SLC2A14: variants seen among roughly 807,000 people sequenced by gnomAD.
SLC2A14 encodes solute carrier family 2, facilitated glucose transporter member 14.
A neutral mutation model predicts 43.0 loss-of-function variants in SLC2A14; 13 were observed. That is an observed-to-expected ratio of 0.30 (90% CI 0.20 to 0.48). The LOEUF (loss-of-function observed/expected upper bound fraction) is 0.48. SLC2A14 is among the 20% of genes least tolerant of loss of function. The probability of loss-of-function intolerance (pLI) is 0.99; values close to 1 mark genes in which losing one functional copy is unlikely to be tolerated. For synonymous variants in SLC2A14, 190 were observed against 233.8 expected (o/e 0.81, Z 1.71); for missense variants, 428 against 620.4 (o/e 0.69, Z 3.29).
chr12:7,871,002 A>G lies in SLC2A14; in HGVS notation c.-57-1065T>C, dbSNP rs12372284. On this transcript the variant is annotated intron_variant, in intron 1 of 10. Transcript: ENST00000431042. ...ATTGACCAGAACCATGATGGCTTCA[A>G]TGACAAGGGGGACAGCACGACAAGC... is the stretch of plus-strand genomic sequence containing the variant. The G allele has an allele frequency of 4.7e-4, 675 of 1,433,218 alleles. 2 individuals carry two copies. The highest frequency in any genetic ancestry group is 7.7e-4 in the Admixed American group (42 of 54,232). 88.8% of individuals were successfully genotyped at this position (1,433,218 alleles called of 1,614,324 possible).
chr12:7,840,432 T>G (rs1865855873), intron 2 of SLC2A14, among the ~76,000 whole-genome samples: 1 of 152,022 alleles, frequency 6.6e-6, no homozygotes, highest in South Asian at 2.1e-4. Context: ...TAGTCTGGAG[T>G]GCAATGGCGT....
At chr12:7,840,151 A>G (rs1592216812) in intron 2 of SLC2A14, among the ~76,000 whole-genome samples, 1 of 113,456 alleles carries the variant, frequency 8.8e-6, no homozygotes, top group African/African-American at 3.3e-5. Context: ...GACTTCAGAG[A>G]GTTTGCTCCT....
At chr12:7,822,210 C>T (rs1230769880) in intron 7 of SLC2A14, among the ~76,000 whole-genome samples, 4 of 151,956 alleles carry the variant, frequency 2.6e-5, no homozygotes, top group Non-Finnish European at 5.9e-5. Flanking sequence ...CCACCCACCT[C>T]AGCCTCCCAA....
intron 7 of SLC2A14, among the ~76,000 whole-genome samples, chr12:7,825,215 C>T (rs973478804): frequency 6.9e-6 from 1 of 144,750 alleles, no homozygotes; most frequent in African/African-American, 2.5e-5. Flanking sequence ...AATCCTAGCA[C>T]TTTGGGAGGC....
intron 2 of SLC2A14, among the ~76,000 whole-genome samples, chr12:7,842,481 T>C (rs895405853): frequency 2.0e-5 from 3 of 152,254 alleles, no homozygotes; most frequent in Admixed American, 6.5e-5. Context: ...AAAAGACTTC[T>C]TCTATACAAG....
At chr12:7,864,858 C>T (rs1408558773) in intron 2 of SLC2A14, among the ~76,000 whole-genome samples, 1 of 152,032 alleles carries the variant, frequency 6.6e-6, no homozygotes, top group Non-Finnish European at 1.5e-5. Flanking sequence ...ATATGCCTTT[C>T]CCTCTATCTG....
intron 2 of SLC2A14, among the ~76,000 whole-genome samples, chr12:7,838,700 G>A (rs945710821): frequency 1.1e-4 from 16 of 152,344 alleles, no homozygotes; most frequent in African/African-American, 3.1e-4. Flanking sequence ...TACAGGGATA[G>A]AGATAAATGT....
chr12:7,871,088 CA>C lies in SLC2A14; in HGVS notation c.-57-1152del, dbSNP rs1159370127. 8.1e-6 allele frequency: 11 copies of C among 1,364,890 alleles called. No individual in the cohort carries two copies. The African/African-American group carries it at 8.8e-5, about 11-fold the overall frequency. 84.5% of individuals were successfully genotyped at this position (1,364,890 alleles called of 1,614,324 possible). ...CTGCAGGGCATGATGAGCGAGGCCC[CA>C]GGGCCCATCAACTTCACCACTTCCC... On this transcript the variant is annotated intron_variant, in intron 1 of 10. Transcript: ENST00000431042.
At chr12:7,845,159 G>A (rs911704254) in intron 2 of SLC2A14, among the ~76,000 whole-genome samples, 3 of 151,960 alleles carry the variant, frequency 2.0e-5, no homozygotes, top group African/African-American at 4.8e-5. Flanking sequence ...CAATCATCCC[G>A]TTTGCCCAGG....
chr12:7,830,442 C>T (rs760762688), intron 4 of SLC2A14, among the ~76,000 whole-genome samples: 53 of 152,250 alleles, frequency 3.5e-4, no homozygotes, highest in Non-Finnish European at 6.5e-4. Context: ...TGAGCCACCA[C>T]GCCCAGCCCT....
At position 7,812,821 on chromosome 12, in the gene SLC2A14, G is replaced by A. The variant is rs1453994609; in HGVS notation, c.*1495C>T. ...AGGGTCTGAGATGTGTAAGCACCAA[G>A]AAGGGAAAGGGAGACTGAGCAACAT... On this transcript the variant is annotated 3_prime_UTR_variant, in exon 11 of 11. Coordinates refer to ENST00000431042, the MANE Select transcript of SLC2A14 (RefSeq NM_001286234.2). The A allele has an allele frequency of 6.6e-6, 1 of 152,138 alleles. No homozygotes were observed. The highest frequency in any genetic ancestry group is 1.5e-5 in the Non-Finnish European group (1 of 68,036). 9.4% of individuals were successfully genotyped at this position (152,138 alleles called of 1,614,324 possible).
chr12:7,828,138 C>T (rs1033604464), intron 6 of SLC2A14, among the ~76,000 whole-genome samples: 11 of 151,360 alleles, frequency 7.3e-5, no homozygotes, highest in Non-Finnish European at 1.6e-4. Context: ...CCAAGGCAGG[C>T]GAATCACAAG....
intron 1 of SLC2A14, among the ~76,000 whole-genome samples, chr12:7,890,497 C>G (rs1371019074): frequency 6.8e-6 from 1 of 146,676 alleles, no homozygotes; most frequent in Non-Finnish European, 1.5e-5. Context: ...GTACTTATCA[C>G]ACAACATTAT....
intron 1 of SLC2A14, among the ~76,000 whole-genome samples, chr12:7,889,978 G>T (rs1185208370): frequency 1.3e-5 from 2 of 152,138 alleles, no homozygotes; most frequent in Non-Finnish European, 2.9e-5. Context: ...GAGTGTAGCA[G>T]TGAGGACTAC....
At chr12:7,871,080 C>T (rs762033046) in intron 1 of SLC2A14, 12 of 1,383,798 alleles carry the variant, frequency 8.7e-6, no homozygotes, top group Admixed American at 2.1e-5. Context: ...GCATGATGAG[C>T]GAGGCCCCAG....
At chr12:7,854,338 T>C (rs749130477) in intron 2 of SLC2A14, among the ~76,000 whole-genome samples, 1 of 152,256 alleles carries the variant, frequency 6.6e-6, no homozygotes, top group Non-Finnish European at 1.5e-5. Flanking sequence ...ACAAAAACTG[T>C]TACCTTTATC....
intron 1 of SLC2A14, chr12:7,871,133 A>G: frequency 2.3e-6 from 3 of 1,329,386 alleles, no homozygotes; most frequent in Non-Finnish European, 3.0e-6. Flanking sequence ...TTTGGGGAGA[A>G]GCTGAATGGA....
At chr12:7,886,646 T>C (rs1386926740) in intron 1 of SLC2A14, among the ~76,000 whole-genome samples, 14 of 152,150 alleles carry the variant, frequency 9.2e-5, no homozygotes. Context: ...CTTTCCATCA[T>C]TGGTAATTGG....
chr12:7,862,507 C>A (rs373420423), intron 2 of SLC2A14, among the ~76,000 whole-genome samples: 3 of 152,054 alleles, frequency 2.0e-5, no homozygotes, highest in South Asian at 4.1e-4. Flanking sequence ...GCCTCCCCGA[C>A]GAATGCCGCC....
Sources: gnomAD v4.1 joint callset for allele counts (sites outside exome capture counted in the v4.1 genomes callset) on GRCh38, gnomAD v4.1.1 for gene constraint, MANE v1.5 for transcripts, NCBI Gene and HGNC (gene_info 2026-07-23, HGNC 2026-07-21) for gene names.